Variants in GLG1 observed in about 807,000 individuals in gnomAD.
GLG1 encodes the protein golgi glycoprotein 1, also known as Golgi apparatus protein 1.
In GLG1, 38 loss-of-function variants were observed where a neutral mutation model predicts 160.5. The observed-to-expected ratio is 0.24, with a 90% CI of 0.18 to 0.31. The LOEUF (loss-of-function observed/expected upper bound fraction) is 0.31, where lower values mean the gene tolerates loss of function less well. GLG1 is among the 10% of genes least tolerant of loss of function. GLG1 has a pLI of 1.00. For synonymous variants in GLG1, 644 were observed against 543.4 expected (o/e 1.19, Z -2.57); for missense variants, 1,373 against 1,505.2 (o/e 0.91, Z 1.45).
chr16:74,569,858 A>G (rs1297701092), intron 1 of GLG1, among the ~76,000 whole-genome samples: 1 of 138,428 alleles, frequency 7.2e-6, no homozygotes, highest in Non-Finnish European at 1.6e-5. Context: ...TGAAACTCCA[A>G]CTCAAAAAAA....
chr16:74,464,385 C>G (rs2014922603), intron 19 of GLG1, among the ~76,000 whole-genome samples: 1 of 152,176 alleles, frequency 6.6e-6, no homozygotes, highest in Admixed American at 6.5e-5. Flanking sequence ...ATAATCCTAC[C>G]AAGCAGTAAA....
intron 1 of GLG1, among the ~76,000 whole-genome samples, chr16:74,579,281 C>T (rs1206145477): frequency 6.6e-6 from 1 of 152,030 alleles, no homozygotes; most frequent in Non-Finnish European, 1.5e-5. Flanking sequence ...TGGTGGCATG[C>T]GCCTGTAGTC....
intron 1 of GLG1, among the ~76,000 whole-genome samples, chr16:74,580,997 T>C (rs1019739791): frequency 5.9e-5 from 9 of 151,988 alleles, no homozygotes; most frequent in Non-Finnish European, 1.2e-4. Context: ...AGAAAATAAG[T>C]GTTGGTGAGG....
chr16:74,466,899 C>T (rs1024859481), intron 18 of GLG1, among the ~76,000 whole-genome samples: 1 of 152,116 alleles, frequency 6.6e-6, no homozygotes. Context: ...GACTCAGATG[C>T]TCCAATTGCC....
chr16:74,595,575 C>A (rs1958280304), intron 1 of GLG1, among the ~76,000 whole-genome samples: 2 of 152,144 alleles, frequency 1.3e-5, no homozygotes, highest in Non-Finnish European at 2.9e-5. Context: ...TTCTGATTCT[C>A]CCAACCATTT....
intron 1 of GLG1, among the ~76,000 whole-genome samples, chr16:74,606,350 T>G (rs529213715): frequency 1.3e-5 from 2 of 152,132 alleles, no homozygotes; most frequent in Non-Finnish European, 2.9e-5. Context: ...ACACTCTGCA[T>G]AGAGCATCAC....
intron 2 of GLG1, among the ~76,000 whole-genome samples, chr16:74,529,278 T>C (rs2017449796): frequency 6.6e-6 from 1 of 152,160 alleles, no homozygotes; most frequent in Non-Finnish European, 1.5e-5. Flanking sequence ...CATGAATCTG[T>C]TTTTATGTCC....
chr16:74,476,396 G>A (rs1185019327), intron 12 of GLG1, among the ~76,000 whole-genome samples: 1 of 152,162 alleles, frequency 6.6e-6, no homozygotes, highest in Non-Finnish European at 1.5e-5. Context: ...AGCAGGCTCA[G>A]GAAACAGACT....
chr16:74,554,999 G>A (rs1224587386), intron 1 of GLG1, among the ~76,000 whole-genome samples: 1 of 152,146 alleles, frequency 6.6e-6, no homozygotes, highest in African/African-American at 2.4e-5. Context: ...CTGAGCGACT[G>A]AGCAAAACCC....
intron 4 of GLG1, among the ~76,000 whole-genome samples, chr16:74,499,440 T>C (rs1477861760): frequency 6.6e-6 from 1 of 152,116 alleles, no homozygotes; most frequent in Non-Finnish European, 1.5e-5. Flanking sequence ...ACCTTTCCTA[T>C]GTTTATATGT....
chr16:74,463,937 T>C (rs1420298564), intron 19 of GLG1: 1 of 182,640 alleles, frequency 5.5e-6, no homozygotes, highest in Admixed American at 5.4e-5. Context: ...CAAATAAATC[T>C]GTAAGTAGCT....
At chr16:74,558,068 T>G (rs2018401311) in intron 1 of GLG1, among the ~76,000 whole-genome samples, 1 of 152,226 alleles carries the variant, frequency 6.6e-6, no homozygotes, top group Non-Finnish European at 1.5e-5. Context: ...TTAAAATATT[T>G]GCATTTTTAT....
chr16:74,485,742 T>C (rs2015765529), intron 9 of GLG1, 54 bp downstream of exon 9: 13 of 1,539,192 alleles, frequency 8.4e-6, no homozygotes, highest in South Asian at 6.0e-5. Flanking sequence ...GAATGTTCCC[T>C]GTGCTGCCAA....
Position 74,607,017 on chromosome 16 carries a change from C to T in GLG1, c.78G>A (p.Gly26=). Residue 26 remains glycine, a synonymous_variant, in exon 1 of 26, where the codon GGG becomes GGA. Transcript: ENST00000422840. ...CGCCCTGGCCGGGGAGTTTCTCGGCCCCGGCCGCGAATAGCAGCAGCAGAT... is the reference window on the plus strand; with the variant it reads ...CGCCCTGGCCGGGGAGTTTCTCGGCTCCGGCCGCGAATAGCAGCAGCAGAT... ...ALHLLLLFAA[G]AEKLPGQGVH... is the part of the protein sequence containing the mutation. The T allele has an allele frequency of 1.2e-6, 2 of 1,600,662 alleles. No homozygotes were observed. The highest frequency in any genetic ancestry group is 1.7e-5 in the Admixed American group (1 of 58,228).
chr16:74,461,040 TG>T (rs781593463), intron 22 of GLG1, among the ~76,000 whole-genome samples: 1 of 152,252 alleles, frequency 6.6e-6, no homozygotes, highest in Non-Finnish European at 1.5e-5. Context: ...TGAGCTTTTT[TG>T]TAACAGCTTT....
In GLG1 at chr16:74,453,170, C is replaced by T; in HGVS notation, c.3537G>A (p.Arg1179=). 6.2e-7 allele frequency: 1 copy of T among 1,613,764 alleles called. No homozygotes were observed. The highest frequency in any genetic ancestry group is 8.5e-7 in the Non-Finnish European group (1 of 1,179,762). ...TCCTTTGGTGGTCAAGGTGGCTCTA[C>T]CTGTCCTTGAGCTCTCGTGTCACTC... ...TKRVTRELKD[R] Residue 1179 remains arginine, a synonymous_variant, in exon 26 of 26, where the codon AGG becomes AGA. Coordinates refer to ENST00000422840, the MANE Select transcript of GLG1 (RefSeq NM_001145667.2).
intron 1 of GLG1, among the ~76,000 whole-genome samples, chr16:74,560,157 T>TG (rs1230333650): frequency 1.3e-5 from 2 of 152,110 alleles, no homozygotes; most frequent in Non-Finnish European, 2.9e-5. Context: ...GATTAGCACT[T>TG]GGACAGGCAG....
chr16:74,563,694 T>A (rs368201464), intron 1 of GLG1, among the ~76,000 whole-genome samples: 4 of 116,384 alleles, frequency 3.4e-5, no homozygotes, highest in Non-Finnish European at 5.1e-5. Context: ...GCCACTATTC[T>A]CCAGCCTGCG....
chr16:74,586,190 T>G (rs1448961378), intron 1 of GLG1, among the ~76,000 whole-genome samples: 1 of 151,854 alleles, frequency 6.6e-6, no homozygotes, highest in Non-Finnish European at 1.5e-5. Context: ...GGCAAGGCCC[T>G]AGGAAACGAA....
Sources: allele counts gnomAD v4.1 joint callset (sites outside exome capture counted in the v4.1 genomes callset), GRCh38; gene constraint gnomAD v4.1.1; transcripts MANE v1.5; gene names NCBI Gene and HGNC (gene_info 2026-07-23, HGNC 2026-07-21).